BEND3: variants seen among roughly 807,000 people sequenced by gnomAD.
BEND3 encodes the protein BEN domain containing 3.
In BEND3, 13 loss-of-function variants were observed where a neutral mutation model predicts 60.1. That is an observed-to-expected ratio of 0.22 (90% CI 0.14 to 0.34). The LOEUF is 0.34. BEND3 is among the 10% of genes least tolerant of loss of function. The pLI, the probability that BEND3 is intolerant of heterozygous loss-of-function variation, is 1.00. For missense variants in BEND3, 896 were observed against 1,138.1 expected (o/e 0.79, Z 3.06); for synonymous variants, 497 against 491.5 (o/e 1.01, Z -0.15).
intron 1 of BEND3, among the ~76,000 whole-genome samples, chr6:107,106,835 G>A (rs1325641364): frequency 2.0e-5 from 3 of 152,028 alleles, no homozygotes; most frequent in Non-Finnish European, 4.4e-5. Context: ...CTCAAACTCC[G>A]GGCTTCCAGC....
chr6:107,069,618 G>A lies in BEND3; in HGVS notation c.1573C>T (p.Arg525Cys), dbSNP rs909535082. 49 of 1,611,472 alleles carry A rather than the reference G, an allele frequency of 3.0e-5. No individual in the cohort carries two copies. Among genetic ancestry groups the A allele is most frequent in the Non-Finnish European group, 3.6e-5 (43 of 1,180,014 alleles). Reference sequence around the variant, plus strand: ...GGCACCAGCCAGATCTTCTTGGAGCGGCGACCCGGCCGCTCGCCCTCGAAG... The same window carrying A: ...GGCACCAGCCAGATCTTCTTGGAGCAGCGACCCGGCCGCTCGCCCTCGAAG... Reference protein sequence around the residue: ...DSFEGERPGRRSKKIWLVPID... With the variant: ...DSFEGERPGRCSKKIWLVPID... Residue 525 changes from arginine (R) to cysteine (C), a missense_variant, in exon 4 of 4, where the codon CGC (arginine) becomes TGC (cysteine). Around this residue, in one of 4 missense-constraint regions of BEND3, gnomAD observed 846 missense variants for 1,036.7 expected, o/e 0.82. Coordinates refer to ENST00000369042, the MANE Select transcript of BEND3 (RefSeq NM_001367314.1).
intron 1 of BEND3, among the ~76,000 whole-genome samples, chr6:107,112,820 T>G (rs1355237647): frequency 7.4e-6 from 1 of 134,470 alleles, no homozygotes; most frequent in African/African-American, 2.9e-5. Flanking sequence ...ACCATTGCAA[T>G]CCAGCCTGGG....
rs565298201 is a variant in BEND3 at position 107,095,427 on chromosome 6, C to T, written c.240+3124G>A. 1.2e-3 allele frequency among the ~76,000 whole-genome samples: 187 copies of T among 152,270 alleles called. 2 individuals are homozygous for T. The highest frequency in any genetic ancestry group is 4.2e-3 in the African/African-American group (176 of 41,564). ...ATCCGAACACTGACAACAGCAAATGCTTTCAAGGATGTGGAGCAAGAGGAA... is the reference window on the plus strand; with the variant it reads ...ATCCGAACACTGACAACAGCAAATGTTTTCAAGGATGTGGAGCAAGAGGAA... On this transcript the variant is annotated intron_variant, in intron 3 of 3. Coordinates refer to ENST00000369042, the MANE Select transcript of BEND3 (RefSeq NM_001367314.1).
intron 3 of BEND3, among the ~76,000 whole-genome samples, chr6:107,075,303 G>T (rs1279815456): frequency 6.6e-6 from 1 of 152,084 alleles, no homozygotes; most frequent in African/African-American, 2.4e-5. Flanking sequence ...ATATCAAAGT[G>T]TACTGCACAA....
rs781792287 is a variant in BEND3, at chr6:107,069,423, T to G, written c.1768A>C (p.Asn590His). Residue 590 changes from asparagine (N) to histidine (H), a missense_variant, in exon 4 of 4, where the codon AAC becomes CAC. This residue lies in a region of BEND3 where 846 missense variants were observed against 1,036.7 expected (regional missense o/e 0.82). Transcript: ENST00000369042. ...HLFPELFTHENLRKQYNCSGS... is the reference protein window; with the variant it reads ...HLFPELFTHEHLRKQYNCSGS... ...CTGCAGTTGTACTGCTTGCGCAGGT[T>G]CTCGTGCGTGAAGAGCTCGGGGAAC... The G allele has an allele frequency of 1.2e-6, 2 of 1,612,628 alleles. No individual in the cohort carries two copies. Among genetic ancestry groups the G allele is most frequent in the East Asian group, 4.5e-5 (2 of 44,870 alleles).
intron 3 of BEND3, among the ~76,000 whole-genome samples, chr6:107,095,854 A>G (rs1775575266): frequency 6.6e-6 from 1 of 152,206 alleles, no homozygotes; most frequent in Middle Eastern, 3.2e-3. Flanking sequence ...AAGTATGGAG[A>G]TGGTAAAGAG....
At chr6:107,078,115 C>T (rs1378974135) in intron 3 of BEND3, among the ~76,000 whole-genome samples, 1 of 152,228 alleles carries the variant, frequency 6.6e-6, no homozygotes, top group African/African-American at 2.4e-5. Context: ...TAAGTCTTTA[C>T]ACAGCCCTTT....
chr6:107,080,094 G>A (rs1397698325), intron 3 of BEND3, among the ~76,000 whole-genome samples: 1 of 151,790 alleles, frequency 6.6e-6, no homozygotes, highest in Non-Finnish European at 1.5e-5. Context: ...TAATGAAAGT[G>A]CTTCAGAAAA....
At chr6:107,083,037 T>C (rs2115009224) in intron 3 of BEND3, among the ~76,000 whole-genome samples, 1 of 152,356 alleles carries the variant, frequency 6.6e-6, no homozygotes. Context: ...TGTATGGGGA[T>C]GTTTTCCCGG....
At chr6:107,089,039 G>C (rs544892814) in intron 3 of BEND3, among the ~76,000 whole-genome samples, 1 of 152,074 alleles carries the variant, frequency 6.6e-6, no homozygotes, top group East Asian at 1.9e-4. Context: ...CCAGTTACTT[G>C]GGAGGCTGAG....
intron 3 of BEND3, among the ~76,000 whole-genome samples, chr6:107,087,177 C>A (rs1486165450): frequency 2.0e-5 from 3 of 151,190 alleles, no homozygotes; most frequent in Non-Finnish European, 4.4e-5. Context: ...ACTAAAAATA[C>A]AAAAATCAGC....
rs782623768 is a variant in BEND3 at position 107,070,964 on chromosome 6, A to C, written c.241-14T>G. 12 of 1,593,486 alleles carry C rather than the reference A, an allele frequency of 7.5e-6. No individual in the cohort carries two copies. The South Asian group carries it at 1.4e-4, about 18-fold the overall frequency. Reference sequence around the variant, plus strand: ...TGCTAGGAGAGCCTGCAAAACAAAAATCATTTCCCAGAGTGTTAGGTGGGT... The same window carrying C: ...TGCTAGGAGAGCCTGCAAAACAAAACTCATTTCCCAGAGTGTTAGGTGGGT... On this transcript the variant is annotated splice_polypyrimidine_tract_variant and intron_variant, in intron 3 of 3. Coordinates refer to ENST00000369042, the MANE Select transcript of BEND3 (RefSeq NM_001367314.1). The surrounding 1 kb of genome is among the most constrained non-coding windows in gnomAD (Gnocchi z 6.9).
chr6:107,111,208 C>T (rs1327408849), intron 1 of BEND3, among the ~76,000 whole-genome samples: 8 of 151,926 alleles, frequency 5.3e-5, no homozygotes, highest in Non-Finnish European at 1.2e-4. Context: ...GTGTATCATT[C>T]TATGAAAGAT....
chr6:107,073,922 G>A (rs1582642651), intron 3 of BEND3, among the ~76,000 whole-genome samples: 2 of 152,130 alleles, frequency 1.3e-5, no homozygotes, highest in African/African-American at 2.4e-5. Flanking sequence ...AAGAAAAGGA[G>A]CTGTTCTGAT....
intron 1 of BEND3, among the ~76,000 whole-genome samples, chr6:107,099,779 A>G (rs1212026952): frequency 2.6e-5 from 4 of 152,170 alleles, no homozygotes; most frequent in Non-Finnish European, 5.9e-5. Flanking sequence ...CAAGGACTCA[A>G]AATGTGGCTA....
intron 1 of BEND3, among the ~76,000 whole-genome samples, chr6:107,105,897 C>T (rs549974668): frequency 6.6e-6 from 1 of 152,292 alleles, no homozygotes; most frequent in Admixed American, 6.5e-5. Context: ...ACTCTCACTA[C>T]CAGAAGATTC....
rs1774846933 is a variant in BEND3, at chr6:107,066,973, G to C, written c.*1731C>G. ...TGTGCATGAGTAGCTGTGTAAGACAGAGAGTCATTCAGTCCCTGTGCCTTT... is the reference window on the plus strand; with the variant it reads ...TGTGCATGAGTAGCTGTGTAAGACACAGAGTCATTCAGTCCCTGTGCCTTT... On this transcript the variant is annotated 3_prime_UTR_variant, in exon 4 of 4. Transcript: ENST00000369042. 6.6e-6 allele frequency: 1 copy of C among 152,246 alleles called. No individual in the cohort carries two copies. Among genetic ancestry groups the C allele is most frequent in the East Asian group, 1.9e-4 (1 of 5,200 alleles). The allele number at this position is 152,246 out of a possible 1,614,324, so 9.4% of individuals were successfully genotyped here.
At chr6:107,087,152 C>T (rs1479129963) in intron 3 of BEND3, among the ~76,000 whole-genome samples, 10 of 151,032 alleles carry the variant, frequency 6.6e-5, no homozygotes, top group African/African-American at 1.9e-4. Flanking sequence ...GTCAACATGG[C>T]GAAACCCCAT....
chr6:107,084,591 C>T (rs190314232), intron 3 of BEND3, among the ~76,000 whole-genome samples: 1 of 151,472 alleles, frequency 6.6e-6, no homozygotes, highest in Non-Finnish European at 1.5e-5. Context: ...CACTCTGTGT[C>T]TAGCTAAAGG....
Sources: gnomAD v4.1 joint callset for allele counts (sites outside exome capture counted in the v4.1 genomes callset) on GRCh38, gnomAD v4.1.1 for gene constraint, gnomAD v4.1.1 regional missense constraint, Gnocchi (gnomAD v3.1) non-coding constraint, MANE v1.5 for transcripts, NCBI Gene and HGNC (gene_info 2026-07-23, HGNC 2026-07-21) for gene names.